Variants in ATP11A observed in about 807,000 individuals in gnomAD.
ATP11A encodes ATPase phospholipid transporting 11A.
A neutral mutation model predicts 154.4 loss-of-function variants in ATP11A; 81 were observed. The ratio of observed to expected loss-of-function variants is 0.52; its 90% CI spans 0.44 to 0.63. ATP11A has a LOEUF of 0.63. Ranked by LOEUF, ATP11A falls within the 30% of genes least tolerant of loss-of-function variation. The pLI is 0.00. For synonymous variants in ATP11A, 623 were observed against 585.9 expected (o/e 1.06, Z -0.91); for missense variants, 1,316 against 1,474.3 (o/e 0.89, Z 1.76).
chr13:112,716,457 G>T (rs1449991132), intron 1 of ATP11A, among the ~76,000 whole-genome samples: 2 of 152,070 alleles, frequency 1.3e-5, no homozygotes, highest in Admixed American at 6.5e-5. Flanking sequence ...GGCTCTGGGG[G>T]CCTGTGGGGG....
chr13:112,721,867 C>T (rs73576453), intron 1 of ATP11A, among the ~76,000 whole-genome samples: 2,126 of 152,290 alleles, frequency 0.014, 64 homozygotes, highest in African/African-American at 0.048. Context: ...GATGTGAGGG[C>T]GACCAGGAGG....
intron 1 of ATP11A, among the ~76,000 whole-genome samples, chr13:112,705,908 AC>A (rs1263564903): frequency 6.6e-6 from 1 of 152,226 alleles, no homozygotes; most frequent in African/African-American, 2.4e-5. Context: ...CATAAACTTT[AC>A]CATCTTGTCC....
chr13:112,872,859 GCAGTGTGAGCTGTGGCTTTGTCTCCCGAA>G (rs1163961046), intron 26 of ATP11A, among the ~76,000 whole-genome samples: 17 of 151,316 alleles, frequency 1.1e-4, no homozygotes, highest in African/African-American at 2.0e-4. Flanking sequence ...GTCTTCCTGA[GCAGTGTGAGCTGTGGCTTTGTCTCCCGAA>G]CGGTGTGAGG....
intron 2 of ATP11A, among the ~76,000 whole-genome samples, chr13:112,788,228 G>T (rs1162862885): frequency 6.7e-6 from 1 of 149,228 alleles, no homozygotes; most frequent in African/African-American, 2.5e-5. Flanking sequence ...TTCACACTGG[G>T]TGTCCTGACG....
intron 1 of ATP11A, among the ~76,000 whole-genome samples, chr13:112,712,882 A>G (rs1887929549): frequency 6.6e-6 from 1 of 152,242 alleles, no homozygotes; most frequent in African/African-American, 2.4e-5. Context: ...CACAAAGCGT[A>G]TGAAAGTGGT....
chr13:112,714,271 G>A (rs537050477), intron 1 of ATP11A, among the ~76,000 whole-genome samples: 6 of 151,664 alleles, frequency 4.0e-5, no homozygotes, highest in Admixed American at 3.3e-4. Flanking sequence ...TTCCTTCCCC[G>A]ATTAGCACCT....
At chr13:112,708,450 C>T (rs556472815) in intron 1 of ATP11A, among the ~76,000 whole-genome samples, 15 of 152,218 alleles carry the variant, frequency 9.9e-5, no homozygotes, top group African/African-American at 3.4e-4. Context: ...TATTTTACAT[C>T]GTTAGACTCA....
At position 112,810,600 on chromosome 13, in the gene ATP11A, C is replaced by CT; in HGVS notation, c.334-16dup. 6.2e-7 allele frequency: 1 copy of CT among 1,604,832 alleles called. No individual in the cohort carries two copies. The highest frequency in any genetic ancestry group is 1.3e-5 in the African/African-American group (1 of 74,852). On this transcript the variant is annotated intron_variant, in intron 4 of 29. Transcript: ENST00000375645. ...TCTCTCCCTGCTTCCTCTCTCCCTT[C>CT]TTTCCTTCCTTTTTTTAGGGTTATG...
At position 112,838,545 on chromosome 13, in the gene ATP11A, A is replaced by G. The variant is rs951392731; in HGVS notation, c.1705+2294A>G. Among the ~76,000 whole-genome samples the G allele has an allele frequency of 1.1e-4, 17 of 152,232 alleles. No individual in the cohort carries two copies. Among genetic ancestry groups the G allele is most frequent in the Non-Finnish European group, 2.2e-4 (15 of 68,036 alleles). On this transcript the variant is annotated intron_variant, in intron 16 of 29. Transcript: ENST00000375645. This position sits in a 1 kb window ranked among gnomAD's most constrained non-coding sequence, Gnocchi z 7.3. ...CCGGAGCTGGCCCTGCCACACGCTCACAAGGGGTTTTTGCTGCATCCTGAA... is the reference window on the plus strand; with the variant it reads ...CCGGAGCTGGCCCTGCCACACGCTCGCAAGGGGTTTTTGCTGCATCCTGAA...
At chr13:112,813,976 T>C (rs140948660) in intron 5 of ATP11A, among the ~76,000 whole-genome samples, 206 of 152,336 alleles carry the variant, frequency 1.4e-3, no homozygotes, top group African/African-American at 4.7e-3. Context: ...AGATATATGA[T>C]TTTTAATACT....
At chr13:112,727,851 G>T (rs1209686364) in intron 1 of ATP11A, among the ~76,000 whole-genome samples, 1 of 152,250 alleles carries the variant, frequency 6.6e-6, no homozygotes, top group African/African-American at 2.4e-5. Context: ...GAGGAACTCG[G>T]CTCCAGGTGC....
In ATP11A at chr13:112,875,972, G is replaced by A; in HGVS notation, c.3327+31G>A. 6.3e-7 allele frequency: 1 copy of A among 1,592,568 alleles called. No individual in the cohort carries two copies. Among genetic ancestry groups the A allele is most frequent in the Non-Finnish European group, 8.5e-7 (1 of 1,171,832 alleles). On this transcript the variant is annotated intron_variant, in intron 28 of 29. Coordinates refer to ENST00000375645, the MANE Select transcript of ATP11A (RefSeq NM_015205.3). This position sits in a 1 kb window ranked among gnomAD's most constrained non-coding sequence, Gnocchi z 4.1. ...GAGTGTCCCCAGCCGGGGCGGGGGT[G>A]CCTCAGGGCCCTGGCCTTAGGATTG...
At chr13:112,724,843 G>A (rs1420749190) in intron 1 of ATP11A, among the ~76,000 whole-genome samples, 2 of 152,204 alleles carry the variant, frequency 1.3e-5, no homozygotes, top group Non-Finnish European at 2.9e-5. Context: ...CCGGAACAGA[G>A]GCCAGGTGTG....
intron 1 of ATP11A, chr13:112,747,390 G>C (rs887482740): frequency 6.6e-6 from 1 of 152,282 alleles, no homozygotes; most frequent in East Asian, 1.9e-4. Context: ...CCACGGGTAA[G>C]GACCTCCCTC....
chr13:112,795,434 C>T (rs1009993246), intron 2 of ATP11A, among the ~76,000 whole-genome samples: 3 of 152,174 alleles, frequency 2.0e-5, no homozygotes, highest in African/African-American at 4.8e-5. Flanking sequence ...CTCTGTGGCT[C>T]GTCTCCACTG....
chr13:112,876,010 T>G, intron 28 of ATP11A, 69 bp downstream of exon 28: 1 of 1,523,110 alleles, frequency 6.6e-7, no homozygotes. Flanking sequence ...AGATGACCGT[T>G]TTGAAAGACA....
chr13:112,822,727 G>C (rs556370186), intron 8 of ATP11A, among the ~76,000 whole-genome samples: 31 of 147,380 alleles, frequency 2.1e-4, no homozygotes, highest in African/African-American at 7.8e-4. Flanking sequence ...CTGGGCGACA[G>C]AGTGAGACCC....
chr13:112,690,903 A>G lies in ATP11A; in HGVS notation c.39+448A>G, dbSNP rs1885083752. Among the ~76,000 whole-genome samples, 1 of 152,196 alleles carries G rather than the reference A, an allele frequency of 6.6e-6. No homozygotes were observed. Among genetic ancestry groups the G allele is most frequent in the Non-Finnish European group, 1.5e-5 (1 of 68,018 alleles). On this transcript the variant is annotated intron_variant, in intron 1 of 29. Coordinates refer to ENST00000375645, the MANE Select transcript of ATP11A (RefSeq NM_015205.3). This position sits in a 1 kb window ranked among gnomAD's most constrained non-coding sequence, Gnocchi z 5.6. ...CTGTAAGATTAAGGGATTGGGAGGA[A>G]GCGTTACACTTCTGCAGAAAAAGGT...
At chr13:112,854,653 G>T (rs2079872341) in intron 19 of ATP11A, 123 bp downstream of exon 19, 1 of 1,187,856 alleles carries the variant, frequency 8.4e-7, no homozygotes, top group Non-Finnish European at 1.2e-6. Flanking sequence ...CTCCCCTGGG[G>T]CATTAATGCC....
Sources: allele counts gnomAD v4.1 joint callset (sites outside exome capture counted in the v4.1 genomes callset), GRCh38; gene constraint gnomAD v4.1.1; non-coding constraint Gnocchi (gnomAD v3.1); transcripts MANE v1.5; gene names NCBI Gene and HGNC (gene_info 2026-07-23, HGNC 2026-07-21).